USP48: variants seen among roughly 807,000 people sequenced by gnomAD.
The protein encoded by USP48 is ubiquitin specific peptidase 48, also known as ubiquitin carboxyl-terminal hydrolase 48.
A neutral mutation model predicts 150.7 loss-of-function variants in USP48; 43 were observed. That is an observed-to-expected ratio of 0.29 (90% CI 0.22 to 0.37). The LOEUF (loss-of-function observed/expected upper bound fraction) is 0.37, where lower values mean the gene tolerates loss of function less well. USP48 is among the 10% of genes least tolerant of loss of function. The pLI, the probability that USP48 is intolerant of heterozygous loss-of-function variation, is 1.00. For missense variants in USP48, 813 were observed against 1,249.6 expected, an observed-to-expected ratio of 0.65 and a Z score of 5.27; for synonymous variants, 396 against 425.9, an observed-to-expected ratio of 0.93 and a Z score of 0.86.
chr1:21,711,580 A>G (rs2097690349), intron 15 of USP48, among the ~76,000 whole-genome samples: 1 of 152,186 alleles, frequency 6.6e-6, no homozygotes, highest in Non-Finnish European at 1.5e-5. Context: ...GAGCGACAGC[A>G]GGTCTGAATT....
chr1:21,693,720 C>A (rs1025552245), intron 23 of USP48, among the ~76,000 whole-genome samples: 3 of 152,166 alleles, frequency 2.0e-5, no homozygotes, highest in Admixed American at 2.0e-4. Flanking sequence ...CAATGACAGG[C>A]AGAAAGCCAG....
At chr1:21,733,283 G>A (rs1404604980) in intron 9 of USP48, among the ~76,000 whole-genome samples, 2 of 152,114 alleles carry the variant, frequency 1.3e-5, no homozygotes, top group East Asian at 1.9e-4. Flanking sequence ...CAGGCGTGGT[G>A]GCACGTGCCT....
chr1:21,701,180 C>G (rs113470313), intron 22 of USP48, among the ~76,000 whole-genome samples: 5 of 150,502 alleles, frequency 3.3e-5, no homozygotes, highest in African/African-American at 9.8e-5. Flanking sequence ...GCCTGGCCAA[C>G]ACAGTGAAAC....
At chr1:21,765,606 G>A (rs1206365596) in intron 1 of USP48, among the ~76,000 whole-genome samples, 1 of 87,012 alleles carries the variant, frequency 1.1e-5, no homozygotes, top group Non-Finnish European at 2.3e-5. Context: ...GACAGAGCGA[G>A]ACTCTGTCAA....
intron 1 of USP48, among the ~76,000 whole-genome samples, chr1:21,777,749 A>G (rs1233133895): frequency 6.6e-6 from 1 of 152,114 alleles, no homozygotes; most frequent in African/African-American, 2.4e-5. Flanking sequence ...AAATGATACC[A>G]CCAATAAAAT....
intron 1 of USP48, among the ~76,000 whole-genome samples, chr1:21,759,055 T>C (rs1373239428): frequency 1.3e-5 from 2 of 151,286 alleles, no homozygotes; most frequent in African/African-American, 4.9e-5. Flanking sequence ...CGTTTGTAAC[T>C]CCAGCTACAG....
At chr1:21,697,336 C>T (rs531981253) in intron 22 of USP48, among the ~76,000 whole-genome samples, 2 of 151,844 alleles carry the variant, frequency 1.3e-5, no homozygotes, top group Non-Finnish European at 2.9e-5. Context: ...AAAATGAAAC[C>T]CGATGAAACA....
chr1:21,688,233 T>G (rs745945415), intron 24 of USP48, among the ~76,000 whole-genome samples: 2 of 152,044 alleles, frequency 1.3e-5, no homozygotes, highest in Non-Finnish European at 2.9e-5. Flanking sequence ...CTTTCTTTCT[T>G]TTTGAGACGG....
At chr1:21,707,734 T>C (rs1489146437) in intron 15 of USP48, among the ~76,000 whole-genome samples, 1 of 152,202 alleles carries the variant, frequency 6.6e-6, no homozygotes, top group African/African-American at 2.4e-5. Context: ...ATTGGCAAGG[T>C]ACCTACAGAT....
chr1:21,706,614 T>C, intron 16 of USP48, 25 bp from the exon 17 acceptor site: 1 of 1,614,102 alleles, frequency 6.2e-7, no homozygotes, highest in African/African-American at 1.3e-5. Flanking sequence ...AGCAATCAAC[T>C]GTCTCCTGCT....
At chr1:21,715,243 T>A (rs1366755400) in intron 15 of USP48, 146 bp downstream of exon 15, 3 of 547,862 alleles carry the variant, frequency 5.5e-6, no homozygotes, top group Non-Finnish European at 9.9e-6. Flanking sequence ...TCTTTTCCAA[T>A]GATTTCCTCT....
intron 22 of USP48, among the ~76,000 whole-genome samples, chr1:21,695,838 T>C (rs1209694913): frequency 6.6e-6 from 1 of 152,168 alleles, no homozygotes; most frequent in Non-Finnish European, 1.5e-5. Context: ...GGAAACTAAG[T>C]ATAAACTGTT....
At chr1:21,724,432 A>G (rs1557502861) in intron 11 of USP48, 1 of 468,710 alleles carries the variant, frequency 2.1e-6, no homozygotes, top group Non-Finnish European at 3.8e-6. Flanking sequence ...TTTGTTGACT[A>G]CAAGTCATGC....
At chr1:21,706,218 G>A (rs371583176) in intron 17 of USP48, 31 bp from the exon 18 acceptor site, 36 of 1,605,116 alleles carry the variant, frequency 2.2e-5, no homozygotes, top group Middle Eastern at 1.7e-4. Context: ...AACAGTATCC[G>A]TCAATTCACC....
chr1:21,741,483 A>T (rs2097781518), intron 8 of USP48, among the ~76,000 whole-genome samples: 1 of 152,244 alleles, frequency 6.6e-6, no homozygotes, highest in Admixed American at 6.5e-5. Context: ...TCAGACAATA[A>T]TATGTGAAAA....
chr1:21,751,445 C>A, intron 6 of USP48, 62 bp downstream of exon 6: 2 of 1,231,882 alleles, frequency 1.6e-6, no homozygotes, highest in Non-Finnish European at 1.2e-6. Context: ...AACAGAATAG[C>A]ATTCAGAACA....
rs993323481 is a variant in USP48 at position 21,751,618 on chromosome 1, A to G, written c.666-3T>C. 6.2e-7 allele frequency: 1 copy of G among 1,611,264 alleles called. No individual in the cohort carries two copies. The highest frequency in any genetic ancestry group is 1.3e-5 in the African/African-American group (1 of 74,898). On this transcript the variant is annotated splice_polypyrimidine_tract_variant and splice_region_variant and intron_variant, in intron 5 of 26. Coordinates refer to ENST00000308271, the MANE Select transcript of USP48 (RefSeq NM_032236.8). Reference sequence around the variant, plus strand: ...ACTCTCTGCCACACTGGTTGCAACTATAATAAAACAGAACGACAAAATTCA... The same window carrying G: ...ACTCTCTGCCACACTGGTTGCAACTGTAATAAAACAGAACGACAAAATTCA...
intron 1 of USP48, among the ~76,000 whole-genome samples, chr1:21,773,279 G>T (rs913827238): frequency 7.2e-6 from 1 of 137,958 alleles, no homozygotes; most frequent in African/African-American, 2.8e-5. Context: ...AAAAAAGAAA[G>T]AAATATTCAA....
At chr1:21,725,816 T>G (rs1465997298) in intron 11 of USP48, among the ~76,000 whole-genome samples, 1 of 151,766 alleles carries the variant, frequency 6.6e-6, no homozygotes, top group Non-Finnish European at 1.5e-5. Context: ...CACTTTACAG[T>G]ATATCATGGT....
Sources: allele counts gnomAD v4.1 joint callset (sites outside exome capture counted in the v4.1 genomes callset), GRCh38; gene constraint gnomAD v4.1.1; transcripts MANE v1.5; gene names NCBI Gene and HGNC (gene_info 2026-07-23, HGNC 2026-07-21).